Variants in FRMPD4 observed in about 807,000 individuals in gnomAD.
FRMPD4 encodes the protein FERM and PDZ domain-containing protein 4.
Under a neutral mutation model 94.1 loss-of-function variants are expected in FRMPD4, and 22 were observed. The observed-to-expected ratio is 0.23, with a 90% CI of 0.17 to 0.33. The LOEUF is 0.33. Ranked by LOEUF, FRMPD4 falls within the 10% of genes least tolerant of loss-of-function variation. The probability of loss-of-function intolerance (pLI) is 1.00; values close to 1 mark genes in which losing one functional copy is unlikely to be tolerated. For missense variants in FRMPD4, 1,111 were observed against 1,339.9 expected (o/e 0.83, Z 2.67); for synonymous variants, 631 against 548.6 (o/e 1.15, Z -2.10).
chrX:12,209,694 G>A (rs2056733801), intron 1 of FRMPD4, among the ~76,000 whole-genome samples: 1 of 111,994 alleles, frequency 8.9e-6, no homozygotes, highest in Admixed American at 9.5e-5. Context: ...TTATCTATCA[G>A]CACACGTTAG....
At chrX:12,419,731 T>C (rs2056858012) in intron 1 of FRMPD4, among the ~76,000 whole-genome samples, 1 of 111,583 alleles carries the variant, frequency 9.0e-6, no homozygotes, top group Non-Finnish European at 1.9e-5. Context: ...CTTACTAGAC[T>C]TCTGGGAATC....
At chrX:11,887,390 C>T (rs1035814120) in intron 3 of FRMPD4, among the ~76,000 whole-genome samples, 3 of 111,595 alleles carry the variant, frequency 2.7e-5, no homozygotes, top group Admixed American at 9.5e-5. Context: ...TTCCCACATA[C>T]CTCGCTCCAC....
chrX:11,980,362 G>A (rs1039283802), intron 3 of FRMPD4, among the ~76,000 whole-genome samples: 3 of 109,779 alleles, frequency 2.7e-5, no homozygotes, highest in Admixed American at 9.7e-5. Context: ...TATTTATATT[G>A]TCAGAGATTT....
At chrX:12,644,313 T>C (rs2059527755) in intron 4 of FRMPD4, among the ~76,000 whole-genome samples, 1 of 100,817 alleles carries the variant, frequency 9.9e-6, no homozygotes, top group African/African-American at 3.3e-5. Flanking sequence ...ATAAAAAATA[T>C]TTCAGACCAT....
chrX:12,282,709 A>G (rs2054544333), intron 1 of FRMPD4, among the ~76,000 whole-genome samples: 1 of 112,413 alleles, frequency 8.9e-6, no homozygotes, highest in Non-Finnish European at 1.9e-5. Flanking sequence ...AAAGGAAATT[A>G]GACTCATCTC....
At chrX:12,292,115 G>A (rs909173356) in intron 1 of FRMPD4, among the ~76,000 whole-genome samples, 2 of 111,511 alleles carry the variant, frequency 1.8e-5, no homozygotes, top group African/African-American at 6.5e-5. Flanking sequence ...GGGGAACCAT[G>A]GGGAGTCTCA....
intron 1 of FRMPD4, among the ~76,000 whole-genome samples, chrX:12,349,619 CTCT>C (rs200249366): frequency 0.017 from 1,882 of 111,524 alleles, 46 homozygotes; most frequent in African/African-American, 0.057. Context: ...ATTGTGAGAT[CTCT>C]TCAACAAGAA....
At chrX:11,992,607 A>C (rs971802086) in intron 3 of FRMPD4, among the ~76,000 whole-genome samples, 7 of 112,126 alleles carry the variant, frequency 6.2e-5, no homozygotes, top group African/African-American at 2.3e-4. Context: ...CTTTAAAAAA[A>C]ATAAGTCAGA....
intron 1 of FRMPD4, among the ~76,000 whole-genome samples, chrX:12,290,034 T>C (rs2054661898): frequency 8.9e-6 from 1 of 111,860 alleles, no homozygotes; most frequent in Non-Finnish European, 1.9e-5. Context: ...CTATATTGCA[T>C]AGCCATTGTC....
rs756007799 is a variant in FRMPD4, at chrX:12,469,547, G to A, written c.42-29133G>A. ...ATTACAGGCATGAGTCACCGTGCCC[G>A]GCCTCCTTTCTTTCTTTTCAAATTA... On this transcript the variant is annotated intron_variant, in intron 1 of 16. Transcript: ENST00000675598. Among the ~76,000 whole-genome samples the A allele has an allele frequency of 9.9e-5, 11 of 111,534 alleles. No homozygotes were observed. In the South Asian group the frequency reaches 3.4e-3, roughly 35 times the overall value.
At chrX:12,386,281 A>G (rs1267209491) in intron 1 of FRMPD4, among the ~76,000 whole-genome samples, 2 of 112,526 alleles carry the variant, frequency 1.8e-5, no homozygotes, top group Admixed American at 1.9e-4. Context: ...TTTCTGTGGA[A>G]AATTACATGA....
At chrX:12,695,764 T>C (rs1472328992) in intron 9 of FRMPD4, among the ~76,000 whole-genome samples, 1 of 107,476 alleles carries the variant, frequency 9.3e-6, no homozygotes, top group Non-Finnish European at 1.9e-5. Flanking sequence ...TGAATGATGA[T>C]TTTTTTCTTT....
chrX:11,947,956 G>T (rs1272531973), intron 3 of FRMPD4, among the ~76,000 whole-genome samples: 1 of 108,545 alleles, frequency 9.2e-6, no homozygotes, highest in African/African-American at 3.4e-5. Context: ...CGGGCATGGT[G>T]GTGCATGCCT....
chrX:12,713,864 C>T (rs1217988797), intron 14 of FRMPD4, among the ~76,000 whole-genome samples: 1 of 111,704 alleles, frequency 9.0e-6, no homozygotes, highest in African/African-American at 3.3e-5. Context: ...CAAATTGATC[C>T]CAGATCTTAG....
chrX:11,951,979 T>G (rs2054226882), intron 3 of FRMPD4, among the ~76,000 whole-genome samples: 1 of 112,003 alleles, frequency 8.9e-6, no homozygotes, highest in Admixed American at 9.4e-5. Flanking sequence ...AAGGCTGCAG[T>G]GAGTCATAAT....
At chrX:12,171,259 A>T (rs1319827101) in intron 1 of FRMPD4, among the ~76,000 whole-genome samples, 1 of 112,387 alleles carries the variant, frequency 8.9e-6, no homozygotes, top group Non-Finnish European at 1.9e-5. Flanking sequence ...TTTGAAATGC[A>T]TCAGGCAAGG....
chrX:12,104,063 C>A (rs1469239746), intron 3 of FRMPD4, among the ~76,000 whole-genome samples: 1 of 112,101 alleles, frequency 8.9e-6, no homozygotes, highest in Non-Finnish European at 1.9e-5. Flanking sequence ...GTCATTAGGG[C>A]AAGCAAGACA....
intron 1 of FRMPD4, among the ~76,000 whole-genome samples, chrX:12,206,952 T>G (rs1395826945): frequency 1.8e-5 from 2 of 112,547 alleles, no homozygotes; most frequent in Non-Finnish European, 3.8e-5. Context: ...TTTTATATGC[T>G]ATCAAATAAG....
chrX:12,230,969 T>C (rs1389403041), intron 1 of FRMPD4, among the ~76,000 whole-genome samples: 1 of 68,126 alleles, frequency 1.5e-5, no homozygotes, highest in Non-Finnish European at 2.7e-5. Context: ...ATAGTAAATA[T>C]ATAGTAATAT....
Sources: allele counts gnomAD v4.1 joint callset (sites outside exome capture counted in the v4.1 genomes callset), GRCh38; gene constraint gnomAD v4.1.1; transcripts MANE v1.5; gene names NCBI Gene and HGNC (gene_info 2026-07-23, HGNC 2026-07-21).